ARHGAP32: variants seen among roughly 807,000 people sequenced by gnomAD.
The protein encoded by ARHGAP32 is Rho GTPase activating protein 32, also known as rho GTPase-activating protein 32.
ARHGAP32 carries 51 observed loss-of-function variants against 186.5 expected under a neutral mutation model. That is an observed-to-expected ratio of 0.27 (90% CI 0.22 to 0.35). The LOEUF is 0.35. Ranked by LOEUF, ARHGAP32 falls within the 10% of genes least tolerant of loss-of-function variation. The pLI is 1.00. For synonymous variants in ARHGAP32, 950 were observed against 964.3 expected, an observed-to-expected ratio of 0.99 and a Z score of 0.27; for missense variants, 2,186 against 2,623.5, an observed-to-expected ratio of 0.83 and a Z score of 3.64.
chr11:128,977,149 A>C (rs1007955936), intron 19 of ARHGAP32, among the ~76,000 whole-genome samples: 14 of 152,218 alleles, frequency 9.2e-5, no homozygotes, highest in African/African-American at 3.4e-4. Context: ...TGGAGCAAGC[A>C]CAGCCCTGCT....
intron 1 of ARHGAP32, among the ~76,000 whole-genome samples, chr11:129,242,590 C>T (rs367910442): frequency 1.6e-4 from 25 of 151,556 alleles, no homozygotes; most frequent in Non-Finnish European, 2.4e-4. Context: ...TGGTGGCGGG[C>T]GCCTGTAGTC....
Position 128,981,360 on chromosome 11 carries a change from A to T in ARHGAP32, c.1780+56T>A. 2.3e-5 allele frequency: 35 copies of T among 1,516,248 alleles called. 1 individual carries two copies. The highest frequency in any genetic ancestry group is 3.1e-5 in the Non-Finnish European group (35 of 1,127,360). The allele number at this position is 1,516,248 out of a possible 1,614,324, so 93.9% of individuals were successfully genotyped here. Reference sequence around the variant, plus strand: ...TGCAATAAGAAATGCATGGTTTGCTACTCCTCTGGAAGCTGAGACACACCC... The same window carrying T: ...TGCAATAAGAAATGCATGGTTTGCTTCTCCTCTGGAAGCTGAGACACACCC... On this transcript the variant is annotated intron_variant, in intron 17 of 22. Transcript: ENST00000682385.
At position 128,969,332 on chromosome 11, in the gene ARHGAP32, CTT is replaced by C; in HGVS notation, c.5879_5880del (p.Lys1960ArgfsTer8). The C allele has an allele frequency of 6.2e-7, 1 of 1,614,222 alleles. No homozygotes were observed. Among genetic ancestry groups the C allele is most frequent in the Non-Finnish European group, 8.5e-7 (1 of 1,180,052 alleles). ...TGCCTAACCCAGGGTCGCTCCATCT[CTT>C]TGGAGAGCCTTACCTCTTTGTGGTT... ...RLNHKEVRLSKEMERPWVRQP... is the reference protein window; with the variant it reads ...RLNHKEVRLSXEMERPWVRQP... On this transcript the variant is annotated frameshift_variant, in exon 23 of 23. Transcript: ENST00000682385. LOFTEE classifies it high-confidence loss of function. The surrounding 1 kb of genome is among the most constrained non-coding windows in gnomAD (Gnocchi z 4.8).
intron 5 of ARHGAP32, among the ~76,000 whole-genome samples, chr11:129,094,041 A>G (rs1312689846): frequency 6.6e-6 from 1 of 152,180 alleles, no homozygotes; most frequent in Non-Finnish European, 1.5e-5. Flanking sequence ...AACTGGCTGC[A>G]GATAACAGGT....
intron 1 of ARHGAP32, among the ~76,000 whole-genome samples, chr11:129,191,803 T>C (rs1020151005): frequency 1.3e-5 from 2 of 151,890 alleles, no homozygotes; most frequent in Non-Finnish European, 2.9e-5. Flanking sequence ...TCATTATGAG[T>C]GTCTACTTGA....
chr11:129,277,180 A>G (rs1416127532), intron 1 of ARHGAP32, among the ~76,000 whole-genome samples: 1 of 152,238 alleles, frequency 6.6e-6, no homozygotes, highest in Non-Finnish European at 1.5e-5. Flanking sequence ...AAACACTTGA[A>G]TAAGTCAAGA....
Position 128,972,511 on chromosome 11 carries a change from GGCT to G in ARHGAP32, c.3992_3994del (p.Gln1331del). On this transcript the variant is annotated inframe_deletion, in exon 22 of 23. Transcript: ENST00000682385. Reference sequence around the variant, plus strand: ...TGCTTGTACCTGCCCCACAACTGGTGGCTGCTCTGCAGATCTCTGGGAAGGCGG... The same window carrying G: ...TGCTTGTACCTGCCCCACAACTGGTGGCTCTGCAGATCTCTGGGAAGGCGG... 1 of 1,539,628 alleles carries G rather than the reference GGCT, an allele frequency of 6.5e-7. No homozygotes were observed. Among genetic ancestry groups the G allele is most frequent in the Non-Finnish European group, 8.7e-7 (1 of 1,143,296 alleles).
At position 129,098,256 on chromosome 11, in the gene ARHGAP32, GAAGT is replaced by G. The variant is rs1192049440; in HGVS notation, c.445-4553_445-4550del. On this transcript the variant is annotated intron_variant, in intron 5 of 22. Coordinates refer to ENST00000682385, the MANE Select transcript of ARHGAP32 (RefSeq NM_001378024.1). ...CACTACTAACTCAAACCCTAATGAA[GAAGT>G]AAGAACTCAATAAAGGTAAATATAT... Among the ~76,000 whole-genome samples the G allele has an allele frequency of 1.2e-4, 18 of 152,022 alleles. No homozygotes were observed. In the East Asian group the frequency reaches 3.3e-3, roughly 28 times the overall value.
At position 129,089,938 on chromosome 11, in the gene ARHGAP32, T is replaced by A. The variant is rs142892945; in HGVS notation, c.531+3683A>T. 4.7e-3 allele frequency among the ~76,000 whole-genome samples: 720 copies of A among 152,314 alleles called. 3 individuals carry two copies. The highest frequency in any genetic ancestry group is 0.027 in the South Asian group (129 of 4,826). On this transcript the variant is annotated intron_variant, in intron 6 of 22. Coordinates refer to ENST00000682385, the MANE Select transcript of ARHGAP32 (RefSeq NM_001378024.1). ...CTGAAAAACAATGGATGCTATCAAT[T>A]ATCTTTTTAAATGGATGAAGTTCAA... is the stretch of plus-strand genomic sequence containing the variant.
chr11:129,069,386 T>C (rs929062283), intron 6 of ARHGAP32, among the ~76,000 whole-genome samples: 5 of 152,062 alleles, frequency 3.3e-5, no homozygotes, highest in African/African-American at 9.7e-5. Context: ...TTACTCTCTA[T>C]TAATTTGGAG....
intron 1 of ARHGAP32, among the ~76,000 whole-genome samples, chr11:129,272,399 C>G (rs953322971): frequency 8.5e-5 from 13 of 152,178 alleles, no homozygotes; most frequent in Admixed American, 2.0e-4. Flanking sequence ...CATTAACATC[C>G]TACACTCTCA....
chr11:129,123,800 G>A lies in ARHGAP32; in HGVS notation c.359+88C>T, dbSNP rs1439743140. 2 of 1,089,380 alleles carry A rather than the reference G, an allele frequency of 1.8e-6. No homozygotes were observed. Among genetic ancestry groups the A allele is most frequent in the Admixed American group, 2.8e-5 (1 of 35,120 alleles). The allele number at this position is 1,089,380 out of a possible 1,614,324, so 67.5% of individuals were successfully genotyped here. A position where few individuals can be genotyped will look rare whatever the true frequency, so the allele number is the denominator to read the frequency against. Reference sequence around the variant, plus strand: ...CCGAATCAATGTCCATAGAAAAACTGCTATTTTCGGCAAATGTTATGGAAA... The same window carrying A: ...CCGAATCAATGTCCATAGAAAAACTACTATTTTCGGCAAATGTTATGGAAA... On this transcript the variant is annotated intron_variant, in intron 4 of 22. Coordinates refer to ENST00000682385, the MANE Select transcript of ARHGAP32 (RefSeq NM_001378024.1). This position sits in a 1 kb window ranked among gnomAD's most constrained non-coding sequence, Gnocchi z 4.6.
At chr11:129,011,150 C>T (rs910659015) in intron 11 of ARHGAP32, among the ~76,000 whole-genome samples, 1 of 152,158 alleles carries the variant, frequency 6.6e-6, no homozygotes, top group Non-Finnish European at 1.5e-5. Context: ...CCAGCATTTA[C>T]TTTACACTTA....
At chr11:129,046,957 T>C (rs924087013) in intron 10 of ARHGAP32, among the ~76,000 whole-genome samples, 1 of 151,892 alleles carries the variant, frequency 6.6e-6, no homozygotes, top group Admixed American at 6.6e-5. Flanking sequence ...ACCCCGTCTC[T>C]ACTAAAAAAA....
chr11:128,969,607 AGGGATG>A lies in ARHGAP32; in HGVS notation c.5600_5605del (p.Pro1867_Ser1868del). The A allele has an allele frequency of 6.2e-7, 1 of 1,614,134 alleles. No individual in the cohort carries two copies. The highest frequency in any genetic ancestry group is 1.1e-5 in the South Asian group (1 of 91,074). ...CCTCAGGCTGCTCTGCTTCTGAGGC[AGGGATG>A]GCTTCTCCGGCTGCGTGCTACCATG... On this transcript the variant is annotated inframe_deletion, in exon 23 of 23. Coordinates refer to ENST00000682385, the MANE Select transcript of ARHGAP32 (RefSeq NM_001378024.1). This position sits in a 1 kb window ranked among gnomAD's most constrained non-coding sequence, Gnocchi z 4.8.
intron 11 of ARHGAP32, 123 bp downstream of exon 11, chr11:129,040,805 A>G: frequency 3.2e-6 from 2 of 619,208 alleles, no homozygotes; most frequent in Non-Finnish European, 5.6e-6. Context: ...TAAAATTAAG[A>G]ATGTTAATTA....
chr11:129,121,899 A>AT (rs1353949974), intron 5 of ARHGAP32, among the ~76,000 whole-genome samples: 16 of 152,102 alleles, frequency 1.1e-4, no homozygotes, highest in Non-Finnish European at 4.4e-5. Flanking sequence ...ACGCAGCTGA[A>AT]TAACAACTGT....
In ARHGAP32 at chr11:129,192,247, A is replaced by C; in HGVS notation, c.-49T>G. On this transcript the variant is annotated 5_prime_UTR_variant, in exon 1 of 23. Transcript: ENST00000682385. ...ACTAAACCTCCAGGCATGGAATAAA[A>C]AGCACCAACATTCAGGTTGTTCAGC... 2 of 1,324,902 alleles carry C rather than the reference A, an allele frequency of 1.5e-6. No individual in the cohort carries two copies. The highest frequency in any genetic ancestry group is 2.2e-6 in the Non-Finnish European group (2 of 922,564). The allele number at this position is 1,324,902 out of a possible 1,614,324, so 82.1% of individuals were successfully genotyped here.
intron 5 of ARHGAP32, among the ~76,000 whole-genome samples, chr11:129,111,978 T>A (rs1248657561): frequency 1.3e-5 from 2 of 152,090 alleles, no homozygotes; most frequent in Non-Finnish European, 2.9e-5. Flanking sequence ...GCTAGACTGG[T>A]CTCAAAACTC....
Sources: allele counts gnomAD v4.1 joint callset (sites outside exome capture counted in the v4.1 genomes callset), GRCh38; gene constraint gnomAD v4.1.1; non-coding constraint Gnocchi (gnomAD v3.1); transcripts MANE v1.5; gene names NCBI Gene and HGNC (gene_info 2026-07-23, HGNC 2026-07-21).